GCNT1: variants seen among roughly 807,000 people sequenced by gnomAD.
GCNT1 encodes beta-1,3-galactosyl-O-glycosyl-glycoprotein beta-1,6-N-acetylglucosaminyltransferase.
GCNT1 carries 16 observed loss-of-function variants against 26.2 expected under a neutral mutation model. That is an observed-to-expected ratio of 0.61 (90% CI 0.41 to 0.93). The LOEUF (loss-of-function observed/expected upper bound fraction) is 0.93, where lower values mean the gene tolerates loss of function less well. Among genes scored for constraint, GCNT1 ranks in the 40% least tolerant of loss-of-function variants. The probability of loss-of-function intolerance (pLI) is 0.00; values close to 1 mark genes in which losing one functional copy is unlikely to be tolerated. For synonymous variants in GCNT1, 183 were observed against 190.8 expected (o/e 0.96, Z 0.34); for missense variants, 477 against 526.7 (o/e 0.91, Z 0.92).
chr9:76,490,030 G>A (rs1295554619), intron 2 of GCNT1, among the ~76,000 whole-genome samples: 1 of 152,212 alleles, frequency 6.6e-6, no homozygotes, highest in African/African-American at 2.4e-5. Context: ...AGGGCCCGAA[G>A]GCAAGTAATA....
rs925569384 is a variant in GCNT1, at chr9:76,503,235, G to T, written c.854G>T (p.Gly285Val). The T allele has an allele frequency of 6.2e-7, 1 of 1,614,136 alleles. No homozygotes were observed. The highest frequency in any genetic ancestry group is 8.5e-7 in the Non-Finnish European group (1 of 1,180,020). Residue 285 changes from glycine (G) to valine (V), a missense_variant, in exon 4 of 4, where the codon GGC becomes GTC. Coordinates refer to ENST00000376730, the MANE Select transcript of GCNT1 (RefSeq NM_001490.5). The part of the protein sequence containing the change: ...LPPLETPLFS[G>V]SAYFVVSREY... ...CCACTCGAAACACCTCTCTTTTCTG[G>T]CAGTGCCTACTTCGTGGTCAGTAGG...
At chr9:76,458,923 G>A (rs1169248068), upstream of GCNT1, among the ~76,000 whole-genome samples, 1 of 152,236 alleles carries the variant, frequency 6.6e-6, no homozygotes, top group African/African-American at 2.4e-5. Context: ...GAGGAAGGGA[G>A]GCATAAAATG....
At chr9:76,472,748 TC>T (rs1228113070) in intron 2 of GCNT1, among the ~76,000 whole-genome samples, 1,177 of 43,692 alleles carry the variant, frequency 0.027, 9 homozygotes, top group African/African-American at 0.16. Flanking sequence ...TCTTTTCTTT[TC>T]TTTTTTTTTT....
intron 2 of GCNT1, among the ~76,000 whole-genome samples, chr9:76,499,208 G>A (rs1163181462): frequency 6.6e-6 from 1 of 151,976 alleles, no homozygotes; most frequent in Non-Finnish European, 1.5e-5. Flanking sequence ...GCTCACTGCA[G>A]TTTCCACCAC....
the GCNT1 span, chr9:76,394,204 C>G: frequency 2.6e-6 from 4 of 1,555,512 alleles, no homozygotes; most frequent in African/African-American, 5.5e-5. Flanking sequence ...GGCTGCGGCC[C>G]GGTCTGCGCG....
chr9:76,494,927 C>T (rs936898972), intron 2 of GCNT1, among the ~76,000 whole-genome samples: 7 of 152,102 alleles, frequency 4.6e-5, no homozygotes, highest in South Asian at 4.2e-4. Flanking sequence ...ACAGGAAAAG[C>T]GGAAGCTGTT....
chr9:76,428,967 T>A (rs201830420), intron 1 of GCNT1, among the ~76,000 whole-genome samples: 1 of 152,286 alleles, frequency 6.6e-6, no homozygotes, highest in East Asian at 1.9e-4. Flanking sequence ...CCCAAAGTGT[T>A]GGGATTACAG....
At chr9:76,413,043 A>G in the GCNT1 span, among the ~76,000 whole-genome samples, 1 of 152,142 alleles carries the variant, frequency 6.6e-6, no homozygotes, top group Non-Finnish European at 1.5e-5. Flanking sequence ...ACACGTCCCA[A>G]ATAGCTCCCT....
At chr9:76,399,207 C>CA in the GCNT1 span, 6 of 1,494,948 alleles carry the variant, frequency 4.0e-6, no homozygotes, top group Non-Finnish European at 5.5e-6. Flanking sequence ...GGAGCTCACT[C>CA]AGTGGGTTTG....
At chr9:76,446,823 G>C (rs1587415738) in intron 1 of GCNT1, among the ~76,000 whole-genome samples, 1 of 152,126 alleles carries the variant, frequency 6.6e-6, no homozygotes, top group Non-Finnish European at 1.5e-5. Flanking sequence ...ATAGTGGCTT[G>C]GTGTTTACAT....
intron 2 of GCNT1, among the ~76,000 whole-genome samples, chr9:76,477,196 C>T (rs1035693176): frequency 2.0e-5 from 3 of 151,650 alleles, no homozygotes; most frequent in Non-Finnish European, 2.9e-5. Context: ...ATTACAGGCA[C>T]GAGCCACTGC....
At position 76,432,805 on chromosome 9, in the gene GCNT1, CTCTT is replaced by C. The variant is rs368362698; in HGVS notation, n.38+12922_38+12925del. ...TAAACATAGGAACTGGATTGAGAAT[CTCTT>C]TCTATTTGTCATGCTTTCCTTTGAT... On this transcript the variant is annotated intron_variant and non_coding_transcript_variant, in intron 1 of 3. Transcript: ENST00000488136. Among the ~76,000 whole-genome samples, 88 of 152,302 alleles carry C rather than the reference CTCTT, an allele frequency of 5.8e-4. No individual in the cohort carries two copies. The East Asian group carries it at 0.011, about 19-fold the overall frequency.
intron 2 of GCNT1, among the ~76,000 whole-genome samples, chr9:76,461,544 C>G (rs1465993097): frequency 6.7e-6 from 1 of 150,072 alleles, no homozygotes; most frequent in Non-Finnish European, 1.5e-5. Flanking sequence ...GATTGCACCA[C>G]TGCACTCCAG....
Position 76,485,580 on chromosome 9 carries a change from A to G in GCNT1, c.-289-15336A>G, listed in dbSNP as rs372283763. Reference sequence around the variant, plus strand: ...CAGCAGGGGTTCTCTGTTTCTCTCAAATATTTTCTGGAGCTGTTTACTTGC... The same window carrying G: ...CAGCAGGGGTTCTCTGTTTCTCTCAGATATTTTCTGGAGCTGTTTACTTGC... On this transcript the variant is annotated intron_variant, in intron 2 of 3. Coordinates refer to ENST00000376730, the MANE Select transcript of GCNT1 (RefSeq NM_001490.5). Among the ~76,000 whole-genome samples the G allele has an allele frequency of 1.0e-3, 155 of 152,184 alleles. 2 individuals are homozygous for G. In the South Asian group the frequency reaches 0.031, roughly 30 times the overall value.
chr9:76,409,113 G>T, the GCNT1 span, among the ~76,000 whole-genome samples: 1 of 152,066 alleles, frequency 6.6e-6, no homozygotes, highest in Non-Finnish European at 1.5e-5. Context: ...GGTTATAATT[G>T]TTCAATTTCT....
intron 2 of GCNT1, among the ~76,000 whole-genome samples, chr9:76,482,746 G>A (rs1349076314): frequency 3.3e-5 from 5 of 151,844 alleles, no homozygotes; most frequent in Non-Finnish European, 5.9e-5. Context: ...CTGGGTTCAG[G>A]TGATCCTCCC....
chr9:76,503,325 C>T lies in GCNT1; in HGVS notation c.944C>T (p.Thr315Ile). 1 of 1,614,080 alleles carries T rather than the reference C, an allele frequency of 6.2e-7. No individual in the cohort carries two copies. Among genetic ancestry groups the T allele is most frequent in the Non-Finnish European group, 8.5e-7 (1 of 1,179,940 alleles). The change falls in exon 4 of 4, where the codon ACA becomes ATA. Residue 315 changes from threonine to isoleucine, a missense_variant. By Grantham distance (89) the Thr-to-Ile change is moderately conservative. Transcript: ENST00000376730. ...AAGTTGATGGAGTGGGCACAAGACA[C>T]ATACAGCCCTGATGAGTATCTCTGG... ...IQKLMEWAQD[T>I]YSPDEYLWAT...
At chr9:76,479,287 T>C (rs1272475632) in intron 2 of GCNT1, among the ~76,000 whole-genome samples, 2 of 152,228 alleles carry the variant, frequency 1.3e-5, no homozygotes, top group Non-Finnish European at 2.9e-5. Flanking sequence ...TCCAAGTCTT[T>C]GCTATTGTGA....
At chr9:76,485,425 C>T (rs1018767899) in intron 2 of GCNT1, among the ~76,000 whole-genome samples, 4 of 151,428 alleles carry the variant, frequency 2.6e-5, no homozygotes, top group Non-Finnish European at 4.4e-5. Context: ...CAGCTTGCCT[C>T]GGCCTCCCAA....
Sources: allele counts gnomAD v4.1 joint callset (sites outside exome capture counted in the v4.1 genomes callset), GRCh38; gene constraint gnomAD v4.1.1; transcripts MANE v1.5; gene names NCBI Gene and HGNC (gene_info 2026-07-23, HGNC 2026-07-21).